The following NAALADL2 variants were observed in gnomAD, a reference collection of about 807,000 sequenced individuals.
The protein encoded by NAALADL2 is inactive N-acetylated-alpha-linked acidic dipeptidase-like protein 2.
In NAALADL2, 76 loss-of-function variants were observed where a neutral mutation model predicts 87.2. That is an observed-to-expected ratio of 0.87 (90% CI 0.72 to 1.05). The LOEUF is 1.05. Among genes scored for constraint, NAALADL2 ranks in the 50% least tolerant of loss-of-function variants. NAALADL2 has a pLI of 0.00. For synonymous variants in NAALADL2, 354 were observed against 331.0 expected (o/e 1.07, Z -0.75); for missense variants, 1,089 against 945.8 (o/e 1.15, Z -1.99).
chr3:175,042,973 G>GCT (rs1034279945), intron 1 of NAALADL2, among the ~76,000 whole-genome samples: 1 of 151,996 alleles, frequency 6.6e-6, no homozygotes, highest in African/African-American at 2.4e-5. Context: ...CCTCTTGCTT[G>GCT]CTCTCTCTCT....
chr3:174,887,703 A>C lies in NAALADL2; in HGVS notation c.43+28253A>C, dbSNP rs150744295. Among the ~76,000 whole-genome samples the C allele has an allele frequency of 3.4e-4, 52 of 152,274 alleles. No individual in the cohort carries two copies. The East Asian group carries it at 9.5e-3, about 28-fold the overall frequency. ...TTTCAGCTACTCAGTAGGCTAAAGCAGGAAGATCATTTGAGCCCAAGTGGT... is the reference window on the plus strand; with the variant it reads ...TTTCAGCTACTCAGTAGGCTAAAGCCGGAAGATCATTTGAGCCCAAGTGGT... On this transcript the variant is annotated intron_variant, in intron 1 of 13. Transcript: ENST00000454872.
intron 1 of NAALADL2, among the ~76,000 whole-genome samples, chr3:175,090,489 CG>C (rs1341705119): frequency 1.3e-5 from 2 of 151,844 alleles, no homozygotes; most frequent in East Asian, 3.9e-4. Flanking sequence ...TTGGCCTACT[CG>C]GGGAACTAGC....
At chr3:175,620,384 G>A (rs1225486100) in intron 10 of NAALADL2, among the ~76,000 whole-genome samples, 1 of 152,222 alleles carries the variant, frequency 6.6e-6, no homozygotes, top group Non-Finnish European at 1.5e-5. Context: ...GCGTCAAGAT[G>A]AGGGGAATGC....
chr3:174,537,826 T>C (rs1721867644), intron 1 of NAALADL2, among the ~76,000 whole-genome samples: 1 of 152,176 alleles, frequency 6.6e-6, no homozygotes, highest in African/African-American at 2.4e-5. Flanking sequence ...TATAATATTG[T>C]ACAAAGTCAG....
At chr3:174,685,797 T>C (rs992525334) in intron 2 of NAALADL2, among the ~76,000 whole-genome samples, 5 of 152,136 alleles carry the variant, frequency 3.3e-5, no homozygotes, top group Non-Finnish European at 4.4e-5. Context: ...TCATTAGTTA[T>C]TTTTCCTGAT....
chr3:175,407,300 G>A (rs1023821595), intron 5 of NAALADL2, among the ~76,000 whole-genome samples: 1 of 152,158 alleles, frequency 6.6e-6, no homozygotes, highest in African/African-American at 2.4e-5. Flanking sequence ...TTATATGGTT[G>A]ATAGGTGGTT....
intron 2 of NAALADL2, among the ~76,000 whole-genome samples, chr3:175,099,036 TA>T (rs1171368545): frequency 1.1e-4 from 17 of 152,090 alleles, no homozygotes; most frequent in Admixed American, 3.3e-4. Flanking sequence ...AGGAACTTCA[TA>T]ACATGCATTT....
chr3:175,357,052 T>C (rs1410259139), intron 5 of NAALADL2, among the ~76,000 whole-genome samples: 1 of 152,174 alleles, frequency 6.6e-6, no homozygotes, highest in Non-Finnish European at 1.5e-5. Context: ...TCATTTATCT[T>C]AACTCTCAGT....
chr3:174,713,111 T>C (rs1368799262), intron 2 of NAALADL2, among the ~76,000 whole-genome samples: 1 of 152,216 alleles, frequency 6.6e-6, no homozygotes, highest in African/African-American at 2.4e-5. Flanking sequence ...GATTCATCCA[T>C]GTCCCTACAA....
intron 8 of NAALADL2, 53 bp from the exon 9 acceptor site, chr3:175,471,586 T>C (rs1724892424): frequency 8.9e-6 from 9 of 1,008,860 alleles, no homozygotes; most frequent in Non-Finnish European, 1.3e-5. Flanking sequence ...ACTAATAAAG[T>C]AGAATCTATT....
intron 1 of NAALADL2, among the ~76,000 whole-genome samples, chr3:174,889,832 C>A (rs568535586): frequency 1.5e-3 from 231 of 152,202 alleles, no homozygotes; most frequent in African/African-American, 5.3e-3. Flanking sequence ...AGAATTCTGT[C>A]AAATGGGTAA....
At chr3:174,834,297 A>T (rs1402489051) in intron 3 of NAALADL2, among the ~76,000 whole-genome samples, 1 of 147,528 alleles carries the variant, frequency 6.8e-6, no homozygotes, top group East Asian at 2.0e-4. Flanking sequence ...ATTGAAAAAG[A>T]TTGTTTTCTC....
At chr3:175,711,693 G>A (rs1480413458) in intron 11 of NAALADL2, among the ~76,000 whole-genome samples, 1 of 151,808 alleles carries the variant, frequency 6.6e-6, no homozygotes, top group Non-Finnish European at 1.5e-5. Context: ...CCATTAAACT[G>A]TGTAGTATTT....
intron 3 of NAALADL2, among the ~76,000 whole-genome samples, chr3:174,766,455 G>A (rs190879110): frequency 1.9e-3 from 292 of 152,320 alleles, no homozygotes; most frequent in African/African-American, 6.6e-3. Flanking sequence ...ACAGGTATGG[G>A]ATGGGTGAAG....
chr3:175,356,576 A>AAATAATAATT (rs1764388142), intron 5 of NAALADL2, among the ~76,000 whole-genome samples: 2 of 131,750 alleles, frequency 1.5e-5, no homozygotes, highest in Admixed American at 7.8e-5. Context: ...CCCTGTGTCA[A>AAATAATAATT]AATAATAATA....
intron 3 of NAALADL2, among the ~76,000 whole-genome samples, chr3:174,815,947 G>T (rs1720750739): frequency 6.8e-6 from 1 of 147,486 alleles, no homozygotes; most frequent in African/African-American, 2.5e-5. Flanking sequence ...TCCAAACACA[G>T]TCATACTTGG....
At chr3:175,650,936 T>G (rs1167769028) in intron 11 of NAALADL2, among the ~76,000 whole-genome samples, 1 of 152,192 alleles carries the variant, frequency 6.6e-6, no homozygotes, top group African/African-American at 2.4e-5. Flanking sequence ...TGAATGATAT[T>G]ATCGAAGTTA....
intron 2 of NAALADL2, among the ~76,000 whole-genome samples, chr3:174,598,203 C>G (rs978400275): frequency 1.3e-5 from 2 of 151,992 alleles, no homozygotes; most frequent in Non-Finnish European, 2.9e-5. Context: ...AAATAAAGAT[C>G]CTAATAAACT....
chr3:174,801,918 A>T (rs1718879548), intron 3 of NAALADL2, among the ~76,000 whole-genome samples: 1 of 152,014 alleles, frequency 6.6e-6, no homozygotes, highest in African/African-American at 2.4e-5. Context: ...ATGGATTGTG[A>T]TTTGTGTTTC....
Sources: gnomAD v4.1 joint callset for allele counts (sites outside exome capture counted in the v4.1 genomes callset) on GRCh38, gnomAD v4.1.1 for gene constraint, MANE v1.5 for transcripts, NCBI Gene and HGNC (gene_info 2026-07-23, HGNC 2026-07-21) for gene names.